The following TMCO1 variants were observed in gnomAD, a reference collection of about 807,000 sequenced individuals.
TMCO1 encodes transmembrane and coiled-coil domains 1, also known as calcium load-activated calcium channel.
Under a neutral mutation model 29.3 loss-of-function variants are expected in TMCO1, and 29 were observed. That is an observed-to-expected ratio of 0.99 (90% CI 0.74 to 1.35). The LOEUF (loss-of-function observed/expected upper bound fraction) is 1.35, where lower values mean the gene tolerates loss of function less well. Ranked by LOEUF, TMCO1 falls within the 40% of genes most tolerant of loss-of-function variation. The probability of loss-of-function intolerance (pLI) is 0.00; values close to 1 mark genes in which losing one functional copy is unlikely to be tolerated. For synonymous variants in TMCO1, 80 were observed against 77.1 expected, an observed-to-expected ratio of 1.04 and a Z score of -0.20; for missense variants, 173 against 225.5, an observed-to-expected ratio of 0.77 and a Z score of 1.49.
chr1:165,730,453 A>G (rs1651109301), intron 6 of TMCO1, among the ~76,000 whole-genome samples: 1 of 152,208 alleles, frequency 6.6e-6, no homozygotes, highest in Admixed American at 6.5e-5. Context: ...TCTAAATTAT[A>G]TTTACCATAA....
At chr1:165,758,565 AC>A (rs1209605205) in intron 3 of TMCO1, among the ~76,000 whole-genome samples, 2 of 151,898 alleles carry the variant, frequency 1.3e-5, no homozygotes, top group African/African-American at 2.4e-5. Context: ...TCAAAAAAAA[AC>A]AAAAACAAAA....
In TMCO1 at chr1:165,764,325, T is replaced by C. The variant is rs543054676; in HGVS notation, c.148+3867A>G. Among the ~76,000 whole-genome samples, 14 of 152,362 alleles carry C rather than the reference T, an allele frequency of 9.2e-5. 1 individual carries two copies. In the South Asian group the frequency reaches 2.9e-3, roughly 32 times the overall value. ...ACTGCATTAGGTACTGTGGATACAA[T>C]GGCCTTTGTCCTCATAGCAATTACA... On this transcript the variant is annotated intron_variant, in intron 2 of 6. Transcript: ENST00000367881.
chr1:165,736,550 G>C (rs917719474), intron 6 of TMCO1, among the ~76,000 whole-genome samples: 1 of 151,920 alleles, frequency 6.6e-6, no homozygotes, highest in African/African-American at 2.4e-5. Context: ...GGTGAAACCC[G>C]CTCTCTCCTA....
chr1:165,746,860 A>G (rs991073724), intron 5 of TMCO1, among the ~76,000 whole-genome samples: 3 of 152,224 alleles, frequency 2.0e-5, no homozygotes, highest in Non-Finnish European at 2.9e-5. Context: ...GGAAAAGATG[A>G]CAATATTATT....
chr1:165,740,379 T>A (rs73020551), intron 6 of TMCO1, among the ~76,000 whole-genome samples: 2,004 of 151,244 alleles, frequency 0.013, 52 homozygotes, highest in African/African-American at 0.047. Flanking sequence ...TTTCTTTGTA[T>A]TTTTTTTAGT....
rs1652646939 is a variant in TMCO1, at chr1:165,768,233, T to C, written c.107A>G (p.Tyr36Cys). 6.2e-7 allele frequency: 1 copy of C among 1,613,990 alleles called. No homozygotes were observed. The highest frequency in any genetic ancestry group is 8.5e-7 in the Non-Finnish European group (1 of 1,180,024). ...TWVLVYRTDK[Y>C]KRLKAEVEKQ... ...TTCCACTTCTGCCTTCAGTCTCTTGTACTTGTCTGTCCTGTAAACCAGGAC... is the reference window on the plus strand; with the variant it reads ...TTCCACTTCTGCCTTCAGTCTCTTGCACTTGTCTGTCCTGTAAACCAGGAC... Residue 36 changes from tyrosine to cysteine, a missense_variant, in exon 2 of 7, where the codon TAC becomes TGC. Transcript: ENST00000367881.
Position 165,727,140 on chromosome 1 carries a change from T to A in TMCO1, c.*883A>T, listed in dbSNP as rs1407076512. ...GGGCATGGCAGAAAATGAAGGCTATTGTGACTAAAAGGAAGCTCTGCGAGA... is the reference window on the plus strand; with the variant it reads ...GGGCATGGCAGAAAATGAAGGCTATAGTGACTAAAAGGAAGCTCTGCGAGA... On this transcript the variant is annotated 3_prime_UTR_variant, in exon 7 of 7. Coordinates refer to ENST00000367881, the MANE Select transcript of TMCO1 (RefSeq NM_019026.6). The A allele has an allele frequency of 4.4e-6, 2 of 454,052 alleles. No homozygotes were observed. Among genetic ancestry groups the A allele is most frequent in the Non-Finnish European group, 8.8e-6 (2 of 226,780 alleles). 28.1% of individuals were successfully genotyped at this position (454,052 alleles called of 1,614,324 possible). A position where few individuals can be genotyped will look rare whatever the true frequency, so the allele number is the denominator to read the frequency against.
chr1:165,725,870 G>GA (rs1373897408), downstream of TMCO1: 1 of 527,574 alleles, frequency 1.9e-6, no homozygotes, highest in African/African-American at 1.9e-5. Context: ...AACATATTTG[G>GA]AAAAAAATTT....
At chr1:165,758,166 A>G (rs978347502) in intron 3 of TMCO1, among the ~76,000 whole-genome samples, 1 of 151,754 alleles carries the variant, frequency 6.6e-6, no homozygotes, top group African/African-American at 2.4e-5. Flanking sequence ...CCTCCCTGAC[A>G]CTCTCCTCTC....
At chr1:165,751,300 A>G (rs375195246) in intron 5 of TMCO1, among the ~76,000 whole-genome samples, 1 of 152,362 alleles carries the variant, frequency 6.6e-6, no homozygotes, top group East Asian at 1.9e-4. Flanking sequence ...AAGAGGGAAC[A>G]TATTAAATTC....
At chr1:165,726,058 T>G, downstream of TMCO1, 3 of 692,446 alleles carry the variant, frequency 4.3e-6, no homozygotes, top group East Asian at 5.4e-5. Context: ...GTGCTATATA[T>G]TCTCACTTTA....
intron 1 of TMCO1, 115 bp downstream of exon 1, chr1:165,768,567 G>A: frequency 6.3e-7 from 1 of 1,582,488 alleles, no homozygotes; most frequent in East Asian, 2.3e-5. Flanking sequence ...CTGAAGTGGA[G>A]TAGATGAGCC....
At chr1:165,745,513 G>T (rs994451173) in intron 5 of TMCO1, among the ~76,000 whole-genome samples, 7 of 149,990 alleles carry the variant, frequency 4.7e-5, no homozygotes, top group Non-Finnish European at 4.4e-5. Context: ...CACGTGTCAT[G>T]GTGCATGTCT....
At position 165,761,760 on chromosome 1, in the gene TMCO1, G is replaced by A. The variant is rs116641964; in HGVS notation, c.149-2176C>T. Among the ~76,000 whole-genome samples the A allele has an allele frequency of 3.4e-3, 521 of 151,810 alleles. 2 individuals are homozygous for A. The highest frequency in any genetic ancestry group is 0.012 in the African/African-American group (508 of 41,410). On this transcript the variant is annotated intron_variant, in intron 2 of 6. Transcript: ENST00000367881. ...GTTCAGGAGTTCGAGATCAGCATGGGCAACACGGTGAAACCTCGTCTCTAC... is the reference window on the plus strand; with the variant it reads ...GTTCAGGAGTTCGAGATCAGCATGGACAACACGGTGAAACCTCGTCTCTAC...
At chr1:165,726,557 T>G, downstream of TMCO1, 1 of 470,662 alleles carries the variant, frequency 2.1e-6, no homozygotes, top group Non-Finnish European at 4.2e-6. Context: ...GTTACTAACC[T>G]CCCCTGCCCC....
At chr1:165,739,540 A>C (rs750354006) in intron 6 of TMCO1, among the ~76,000 whole-genome samples, 11 of 151,938 alleles carry the variant, frequency 7.2e-5, no homozygotes, top group Middle Eastern at 6.8e-3. Flanking sequence ...GGCATGCACC[A>C]CTATACCCAG....
intron 6 of TMCO1, among the ~76,000 whole-genome samples, chr1:165,731,895 G>A (rs1651174199): frequency 1.3e-5 from 2 of 152,200 alleles, no homozygotes; most frequent in East Asian, 1.9e-4. Context: ...TAAATGTATC[G>A]GTGTTACATT....
rs1293672835 is a variant in TMCO1, at chr1:165,743,202, A to T, written c.433T>A (p.Phe145Ile). Reference protein sequence around the residue: ...GDDTTDCSFIFLYILCTMSIR... With the variant: ...GDDTTDCSFIILYILCTMSIR... Reference sequence around the variant, plus strand: ...GACATAGTACAGAGAATATACAGGAAAATGAAGGAACAGTCTGTGGTGTCA... The same window carrying T: ...GACATAGTACAGAGAATATACAGGATAATGAAGGAACAGTCTGTGGTGTCA... The change falls in exon 6 of 7, where the codon TTC (phenylalanine) becomes ATC (isoleucine). Residue 145 changes from phenylalanine to isoleucine, a missense_variant. Transcript: ENST00000367881. 3.1e-6 allele frequency: 5 copies of T among 1,614,046 alleles called. No homozygotes were observed. Among genetic ancestry groups the T allele is most frequent in the Non-Finnish European group, 4.2e-6 (5 of 1,180,012 alleles).
chr1:165,745,187 A>ATTTTTTTTTT (rs540820751), intron 5 of TMCO1, among the ~76,000 whole-genome samples: 1 of 138,732 alleles, frequency 7.2e-6, no homozygotes, highest in African/African-American at 2.6e-5. Flanking sequence ...TGTCTGGCTA[A>ATTTTTTTTTT]TTTTTTTTTT....
Sources: gnomAD v4.1 joint callset for allele counts (sites outside exome capture counted in the v4.1 genomes callset) on GRCh38, gnomAD v4.1.1 for gene constraint, MANE v1.5 for transcripts, NCBI Gene and HGNC (gene_info 2026-07-23, HGNC 2026-07-21) for gene names.